The following PTDSS1 variants were observed in gnomAD, a reference collection of about 807,000 sequenced individuals.
The protein encoded by PTDSS1 is phosphatidylserine synthase 1, also known as PSS-1.
In PTDSS1, 45 loss-of-function variants were observed where a neutral mutation model predicts 70.5. The ratio of observed to expected loss-of-function variants is 0.64; its 90% CI spans 0.50 to 0.82. PTDSS1 has a LOEUF of 0.82. PTDSS1 is among the 40% of genes least tolerant of loss of function. PTDSS1 has a pLI of 0.00. For missense variants in PTDSS1, 417 were observed against 586.1 expected (o/e 0.71, Z 2.98); for synonymous variants, 188 against 203.8 (o/e 0.92, Z 0.66).
rs761957248 is a variant in PTDSS1, at chr8:96,309,641, T to G, written c.1073+19T>G. 6.2e-7 allele frequency: 1 copy of G among 1,613,490 alleles called. No individual in the cohort carries two copies. Among genetic ancestry groups the G allele is most frequent in the South Asian group, 1.1e-5 (1 of 91,046 alleles). ...TGTTTGGGTGAGTAATCTGTTATTG[T>G]GGAGATTTAAAAACCACTTAAGCCC... On this transcript the variant is annotated intron_variant, in intron 9 of 12. Coordinates refer to ENST00000517309, the MANE Select transcript of PTDSS1 (RefSeq NM_014754.3).
chr8:96,293,487 A>G (rs1289880871), intron 4 of PTDSS1, among the ~76,000 whole-genome samples: 1 of 152,250 alleles, frequency 6.6e-6, no homozygotes, highest in Non-Finnish European at 1.5e-5. Flanking sequence ...CACTGTCTTC[A>G]GTTAAAGCCT....
chr8:96,309,355 C>T, intron 8 of PTDSS1: 1 of 468,212 alleles, frequency 2.1e-6, no homozygotes, highest in Non-Finnish European at 3.8e-6. Flanking sequence ...TGCTCCCCTG[C>T]CTCCAGCCTA....
At chr8:96,308,415 C>A (rs531266451) in intron 8 of PTDSS1, among the ~76,000 whole-genome samples, 1 of 152,320 alleles carries the variant, frequency 6.6e-6, no homozygotes, top group Non-Finnish European at 1.5e-5. Flanking sequence ...ATTCGTGAAT[C>A]CTCTGAACTT....
intron 5 of PTDSS1, among the ~76,000 whole-genome samples, chr8:96,295,592 C>T (rs1810963551): frequency 6.6e-6 from 1 of 152,118 alleles, no homozygotes; most frequent in African/African-American, 2.4e-5. Context: ...ATCAGTTGAC[C>T]TACTAACTAG....
At chr8:96,303,037 A>G (rs539848883) in intron 6 of PTDSS1, among the ~76,000 whole-genome samples, 1 of 152,366 alleles carries the variant, frequency 6.6e-6, no homozygotes, top group African/African-American at 2.4e-5. Flanking sequence ...GGTTTTTTTA[A>G]AGTAATATTA....
chr8:96,332,736 C>G (rs893490132), intron 12 of PTDSS1, among the ~76,000 whole-genome samples: 1 of 152,224 alleles, frequency 6.6e-6, no homozygotes, highest in African/African-American at 2.4e-5. Flanking sequence ...GAAAGAATCT[C>G]TTAGTCTAAG....
intron 8 of PTDSS1, among the ~76,000 whole-genome samples, chr8:96,307,352 A>T (rs1323063108): frequency 1.3e-5 from 2 of 148,744 alleles, no homozygotes; most frequent in African/African-American, 5.0e-5. Context: ...TGCAAACCCC[A>T]TAAGCAGCGG....
intron 12 of PTDSS1, among the ~76,000 whole-genome samples, chr8:96,332,628 G>T (rs186118323): frequency 6.6e-6 from 1 of 152,318 alleles, no homozygotes; most frequent in Non-Finnish European, 1.5e-5. Context: ...GCACTTACAG[G>T]TTCTCCACTG....
intron 6 of PTDSS1, among the ~76,000 whole-genome samples, chr8:96,300,053 G>T (rs770865351): frequency 1.3e-5 from 2 of 152,048 alleles, no homozygotes; most frequent in African/African-American, 4.8e-5. Context: ...CTCACCCTAT[G>T]TATTCAGGGG....
intron 4 of PTDSS1, among the ~76,000 whole-genome samples, chr8:96,289,999 T>C (rs543661586): frequency 6.6e-6 from 1 of 152,320 alleles, no homozygotes; most frequent in South Asian, 2.1e-4. Context: ...ATGAATTGTC[T>C]ATGTCAGACA....
At position 96,262,281 on chromosome 8, in the gene PTDSS1, GT is replaced by G; in HGVS notation, c.179+63del. ...GGCTAGGGAAGAGGCGGGAGGGAGG[GT>G]GGCGGGGAGGGGGGCCCGGCATGGC... On this transcript the variant is annotated intron_variant, in intron 1 of 12. Transcript: ENST00000517309. This position sits in a 1 kb window ranked among gnomAD's most constrained non-coding sequence, Gnocchi z 4.4. 4.1e-6 allele frequency: 6 copies of G among 1,458,268 alleles called. No individual in the cohort carries two copies. Among genetic ancestry groups the G allele is most frequent in the East Asian group, 2.5e-5 (1 of 40,424 alleles). The allele number at this position is 1,458,268 out of a possible 1,614,324, so 90.3% of individuals were successfully genotyped here. A position where few individuals can be genotyped will look rare whatever the true frequency, so the allele number is the denominator to read the frequency against.
intron 4 of PTDSS1, among the ~76,000 whole-genome samples, chr8:96,294,292 G>T (rs1379208125): frequency 6.6e-6 from 1 of 152,098 alleles, no homozygotes; most frequent in Non-Finnish European, 1.5e-5. Context: ...CTGATAATAG[G>T]GGGTGAATAT....
At chr8:96,321,515 G>A (rs1014546378) in intron 10 of PTDSS1, among the ~76,000 whole-genome samples, 1 of 152,086 alleles carries the variant, frequency 6.6e-6, no homozygotes, top group African/African-American at 2.4e-5. Context: ...GTAATTTATC[G>A]GTTGAAGAAA....
At chr8:96,306,011 C>T (rs1012394227) in intron 7 of PTDSS1, among the ~76,000 whole-genome samples, 2 of 152,202 alleles carry the variant, frequency 1.3e-5, no homozygotes, top group African/African-American at 2.4e-5. Flanking sequence ...AAAGAGCTTA[C>T]TTATCTACAT....
Position 96,333,969 on chromosome 8 carries a change from A to T in PTDSS1, c.*403A>T. The T allele has an allele frequency of 2.2e-6, 1 of 457,168 alleles. No homozygotes were observed. Among genetic ancestry groups the T allele is most frequent in the Non-Finnish European group, 3.9e-6 (1 of 258,552 alleles). 28.3% of individuals were successfully genotyped at this position (457,168 alleles called of 1,614,324 possible). ...GTTAATGGACTGGTCACCAGTTTTTATTTTATTTTTATGAATCTACCTTTC... is the reference window on the plus strand; with the variant it reads ...GTTAATGGACTGGTCACCAGTTTTTTTTTTATTTTTATGAATCTACCTTTC... On this transcript the variant is annotated 3_prime_UTR_variant, in exon 13 of 13. Coordinates refer to ENST00000517309, the MANE Select transcript of PTDSS1 (RefSeq NM_014754.3).
chr8:96,294,677 T>A (rs1441017061), intron 4 of PTDSS1, among the ~76,000 whole-genome samples: 4 of 152,180 alleles, frequency 2.6e-5, no homozygotes, highest in East Asian at 1.9e-4. Context: ...TTAAAAAAAA[T>A]TCCTATTATG....
rs777705401 is a variant in PTDSS1 at position 96,288,625 on chromosome 8, CT to C, written c.441+1501del. ...ACAGGCATGAGCCACCACGCTTGGCCTTTTTTTTTTTTTTTTTTTTTTGAGA... is the reference window on the plus strand; with the variant it reads ...ACAGGCATGAGCCACCACGCTTGGCCTTTTTTTTTTTTTTTTTTTTTGAGA... On this transcript the variant is annotated intron_variant, in intron 4 of 12. Coordinates refer to ENST00000517309, the MANE Select transcript of PTDSS1 (RefSeq NM_014754.3). 7.4e-3 allele frequency among the ~76,000 whole-genome samples: 626 copies of C among 84,614 alleles called. 1 individual carries two copies. The highest frequency in any genetic ancestry group is 0.03 in the African/African-American group (524 of 17,274). The allele number at this position is 84,614 out of a possible 152,430, so 55.5% of individuals were successfully genotyped here.
chr8:96,288,379 C>T (rs1311085169), intron 4 of PTDSS1, among the ~76,000 whole-genome samples: 2 of 152,056 alleles, frequency 1.3e-5, no homozygotes, highest in East Asian at 1.9e-4. Context: ...GGCTGGAGTG[C>T]AGTGGCACAA....
intron 5 of PTDSS1, among the ~76,000 whole-genome samples, chr8:96,296,817 C>T (rs985767339): frequency 1.3e-5 from 2 of 152,200 alleles, no homozygotes; most frequent in African/African-American, 2.4e-5. Flanking sequence ...TGCCCTTATA[C>T]CACATTCCAC....
Sources: allele counts gnomAD v4.1 joint callset (sites outside exome capture counted in the v4.1 genomes callset), GRCh38; gene constraint gnomAD v4.1.1; non-coding constraint Gnocchi (gnomAD v3.1); transcripts MANE v1.5; gene names NCBI Gene and HGNC (gene_info 2026-07-23, HGNC 2026-07-21).